The following SHROOM2 variants were observed in gnomAD, a reference collection of about 807,000 sequenced individuals.
SHROOM2 encodes the protein shroom family member 2.
Under a neutral mutation model 75.9 loss-of-function variants are expected in SHROOM2, and 33 were observed. That is an observed-to-expected ratio of 0.43 (90% CI 0.33 to 0.58). The LOEUF (loss-of-function observed/expected upper bound fraction) is 0.58, where lower values mean the gene tolerates loss of function less well. Among genes scored for constraint, SHROOM2 ranks in the 20% least tolerant of loss-of-function variants. The pLI, the probability that SHROOM2 is intolerant of heterozygous loss-of-function variation, is 0.04. For missense variants in SHROOM2, 1,434 were observed against 1,461.2 expected (o/e 0.98, Z 0.30); for synonymous variants, 655 against 663.6 (o/e 0.99, Z 0.20).
chrX:9,948,651 A>G lies in SHROOM2; in HGVS notation c.*1714A>G, dbSNP rs2084844174. 2 of 113,773 alleles carry G rather than the reference A, an allele frequency of 1.8e-5. No homozygotes were observed. The allele number at this position is 113,773 out of a possible 1,213,427, so 9.4% of individuals were successfully genotyped here. On this transcript the variant is annotated 3_prime_UTR_variant, in exon 10 of 10. Transcript: ENST00000380913. ...AGCCAAGTCCAAACTGGCAAGCTCA[A>G]TGATGCAGGCAATAAACCGCCTTTT...
At chrX:9,852,265 T>A (rs191136188) in intron 1 of SHROOM2, among the ~76,000 whole-genome samples, 1 of 112,941 alleles carries the variant, frequency 8.9e-6, no homozygotes, top group Admixed American at 9.3e-5. Context: ...AACATTTAAT[T>A]AACTAGATTT....
intron 3 of SHROOM2, among the ~76,000 whole-genome samples, chrX:9,893,709 T>G: frequency 9.0e-6 from 1 of 110,894 alleles, no homozygotes; most frequent in Non-Finnish European, 1.9e-5. Flanking sequence ...CCCAGCACTT[T>G]GGGAGGCCGA....
chrX:9,901,141 T>C (rs942622966), intron 5 of SHROOM2, among the ~76,000 whole-genome samples: 17 of 111,240 alleles, frequency 1.5e-4, no homozygotes, highest in Admixed American at 7.7e-4. Context: ...TCTCCCTGTG[T>C]CCTCACAAGG....
At chrX:9,897,576 A>G (rs989211746) in intron 4 of SHROOM2, among the ~76,000 whole-genome samples, 6 of 107,407 alleles carry the variant, frequency 5.6e-5, no homozygotes, top group Non-Finnish European at 9.6e-5. Flanking sequence ...AAAAGAAAAA[A>G]AAAACTTAAG....
intron 1 of SHROOM2, among the ~76,000 whole-genome samples, chrX:9,801,646 C>G (rs1183692038): frequency 8.9e-6 from 1 of 111,847 alleles, no homozygotes; most frequent in Non-Finnish European, 1.9e-5. Flanking sequence ...GGTTAAGTAA[C>G]TCAAATATAT....
At chrX:9,925,234 A>G (rs112750338) in intron 5 of SHROOM2, among the ~76,000 whole-genome samples, 10,504 of 111,456 alleles carry the variant, frequency 0.094, 1,245 homozygotes, top group African/African-American at 0.33. Flanking sequence ...TGGAGACACC[A>G]GGTACTCGTT....
At chrX:9,869,473 C>G (rs1019675718) in intron 1 of SHROOM2, among the ~76,000 whole-genome samples, 1 of 111,752 alleles carries the variant, frequency 8.9e-6, no homozygotes, top group African/African-American at 3.3e-5. Context: ...ACTTGCCATT[C>G]CCTCCTCTCC....
At chrX:9,817,662 C>T (rs777425448) in intron 1 of SHROOM2, among the ~76,000 whole-genome samples, 7 of 112,453 alleles carry the variant, frequency 6.2e-5, no homozygotes, top group African/African-American at 2.3e-4. Flanking sequence ...GTTGCACTGT[C>T]ATTTGGTTAT....
rs1245548515 is a variant in SHROOM2, at chrX:9,894,558, C to T, written c.650C>T (p.Ser217Phe). 3 of 1,212,008 alleles carry T rather than the reference C, an allele frequency of 2.5e-6. No individual in the cohort carries two copies. Among genetic ancestry groups the T allele is most frequent in the East Asian group, 3.0e-5 (1 of 33,829 alleles). The change falls in exon 4 of 10, where the codon TCT becomes TTT. Residue 217 changes from serine to phenylalanine, a missense_variant. Physicochemically the swap from Ser to Phe is radical, Grantham distance 155. Transcript: ENST00000380913. ...DSAYGSFSTSSSTPDHTLSKA... is the reference protein window; with the variant it reads ...DSAYGSFSTSFSTPDHTLSKA... The stretch of plus-strand genomic sequence containing the variant: ...GCCTACGGCTCCTTCTCCACCAGCT[C>T]TAGCACTCCTGACCACACCTTGTCC...
chrX:9,814,080 G>C (rs1012203321), intron 1 of SHROOM2, among the ~76,000 whole-genome samples: 1 of 111,324 alleles, frequency 9.0e-6, no homozygotes, highest in Non-Finnish European at 1.9e-5. Flanking sequence ...ATGTCTTCTG[G>C]ACCCTCCCAG....
At chrX:9,917,426 G>A (rs1254266461) in intron 5 of SHROOM2, among the ~76,000 whole-genome samples, 1 of 112,350 alleles carries the variant, frequency 8.9e-6, no homozygotes, top group Non-Finnish European at 1.9e-5. Flanking sequence ...AAAGTAAGTG[G>A]GGACCACATA....
chrX:9,866,391 G>A (rs1339790020), intron 1 of SHROOM2, among the ~76,000 whole-genome samples: 1 of 107,831 alleles, frequency 9.3e-6, no homozygotes, highest in African/African-American at 3.4e-5. Context: ...AATTGCAGGT[G>A]TGACTCATAG....
At chrX:9,931,280 G>A (rs957463229) in intron 5 of SHROOM2, among the ~76,000 whole-genome samples, 3 of 109,693 alleles carry the variant, frequency 2.7e-5, no homozygotes, top group South Asian at 4.0e-4. Context: ...TTGGGAGGCC[G>A]AGGCAGGTGG....
intron 5 of SHROOM2, among the ~76,000 whole-genome samples, chrX:9,927,073 T>G (rs183498679): frequency 1.7e-4 from 19 of 110,984 alleles, no homozygotes; most frequent in African/African-American, 6.2e-4. Flanking sequence ...ATGATGCCTG[T>G]GGCAGTGGCT....
At chrX:9,893,061 C>G (rs771450288) in intron 3 of SHROOM2, among the ~76,000 whole-genome samples, 1 of 110,984 alleles carries the variant, frequency 9.0e-6, no homozygotes, top group East Asian at 2.8e-4. Flanking sequence ...TAGGGTATAA[C>G]CAGTTAGCTG....
intron 2 of SHROOM2, among the ~76,000 whole-genome samples, chrX:9,884,776 G>A (rs1259182970): frequency 9.0e-6 from 1 of 111,217 alleles, no homozygotes. Flanking sequence ...AATCCATGGG[G>A]AAGGGATTTC....
Position 9,880,719 on chromosome X carries a change from G to GT in SHROOM2, c.317+6924dup, listed in dbSNP as rs200446006. Reference sequence around the variant, plus strand: ...CATACCTTATCTGTAACAAAAGCCTGTTTTTTTTGTTGTTGTTGTTTGTTT... The same window carrying GT: ...CATACCTTATCTGTAACAAAAGCCTGTTTTTTTTTGTTGTTGTTGTTTGTTT... On this transcript the variant is annotated intron_variant, in intron 2 of 9. Coordinates refer to ENST00000380913, the MANE Select transcript of SHROOM2 (RefSeq NM_001649.4). Among the ~76,000 whole-genome samples the GT allele has an allele frequency of 9.2e-3, 1,021 of 111,117 alleles. 8 individuals carry two copies. The highest frequency in any genetic ancestry group is 0.03 in the African/African-American group (923 of 30,485).
intron 8 of SHROOM2, among the ~76,000 whole-genome samples, chrX:9,939,831 G>A (rs1206443407): frequency 9.0e-6 from 1 of 111,711 alleles, no homozygotes; most frequent in Non-Finnish European, 1.9e-5. Flanking sequence ...CTGTCACCCA[G>A]GCTGGAGTGC....
At chrX:9,866,886 C>T (rs1409558364) in intron 1 of SHROOM2, among the ~76,000 whole-genome samples, 1 of 110,913 alleles carries the variant, frequency 9.0e-6, no homozygotes, top group Non-Finnish European at 1.9e-5. Flanking sequence ...TGCCTCCACG[C>T]CCTTCTTCAC....
Sources: allele counts gnomAD v4.1 joint callset (sites outside exome capture counted in the v4.1 genomes callset), GRCh38; gene constraint gnomAD v4.1.1; transcripts MANE v1.5; gene names NCBI Gene and HGNC (gene_info 2026-07-23, HGNC 2026-07-21).